The following TSEN15 variants were observed in gnomAD, a reference collection of about 807,000 sequenced individuals.
TSEN15 encodes the protein tRNA-splicing endonuclease subunit Sen15.
A neutral mutation model predicts 20.5 loss-of-function variants in TSEN15; 10 were observed. That is an observed-to-expected ratio of 0.49 (90% CI 0.30 to 0.83). The LOEUF (loss-of-function observed/expected upper bound fraction) is 0.83. TSEN15 is among the 40% of genes least tolerant of loss of function. The pLI, the probability that TSEN15 is intolerant of heterozygous loss-of-function variation, is 0.06. For missense variants in TSEN15, 180 were observed against 218.6 expected (o/e 0.82, Z 1.11); for synonymous variants, 72 against 80.1 (o/e 0.90, Z 0.54).
chr1:184,087,867 A>C (rs1325232184), intron 3 of TSEN15, among the ~76,000 whole-genome samples: 1 of 152,182 alleles, frequency 6.6e-6, no homozygotes, highest in Non-Finnish European at 1.5e-5. Context: ...CGGGGATAAC[A>C]AGGTAAGATT....
chr1:184,058,425 C>T (rs1347116750), intron 3 of TSEN15, among the ~76,000 whole-genome samples: 1 of 151,544 alleles, frequency 6.6e-6, no homozygotes. Flanking sequence ...TCAACTCAAA[C>T]TATGCAAATA....
At chr1:184,087,525 A>G (rs979879171) in intron 3 of TSEN15, among the ~76,000 whole-genome samples, 1 of 152,050 alleles carries the variant, frequency 6.6e-6, no homozygotes, top group African/African-American at 2.4e-5. Context: ...CCATGATCAG[A>G]CTCCTGGTTT....
At chr1:184,061,630 T>G (rs977144642) in intron 3 of TSEN15, among the ~76,000 whole-genome samples, 3 of 152,236 alleles carry the variant, frequency 2.0e-5, no homozygotes, top group African/African-American at 7.2e-5. Flanking sequence ...TTGACTGTTA[T>G]GTGGCAGAGT....
At chr1:184,056,627 T>C (rs2102879486) in intron 3 of TSEN15, among the ~76,000 whole-genome samples, 1 of 152,196 alleles carries the variant, frequency 6.6e-6, no homozygotes, top group East Asian at 1.9e-4. Flanking sequence ...AAAAAATACT[T>C]ATATTTTCAC....
At chr1:184,086,616 T>A (rs963079432) in intron 3 of TSEN15, among the ~76,000 whole-genome samples, 1 of 152,162 alleles carries the variant, frequency 6.6e-6, no homozygotes, top group Non-Finnish European at 1.5e-5. Context: ...CTCACTCACA[T>A]GGCTGTTGGC....
At chr1:184,094,928 A>T in intron 3 of TSEN15, 1 of 398,264 alleles carries the variant, frequency 2.5e-6, no homozygotes, top group South Asian at 1.3e-4. Context: ...CCTCTGACAG[A>T]CATGGCCTCT....
intron 1 of TSEN15, among the ~76,000 whole-genome samples, chr1:184,052,587 A>G (rs915457485): frequency 6.6e-6 from 1 of 152,130 alleles, no homozygotes; most frequent in Non-Finnish European, 1.5e-5. Flanking sequence ...TCTCTACGGT[A>G]CTTTAACAGA....
intron 3 of TSEN15, 145 bp downstream of exon 3, chr1:184,055,008 A>G: frequency 2.3e-6 from 2 of 887,094 alleles, no homozygotes; most frequent in Non-Finnish European, 1.7e-6. Context: ...GTTAAATATG[A>G]GTGTTGTATT....
At chr1:184,070,733 G>C in intron 3 of TSEN15, 1 of 1,110,220 alleles carries the variant, frequency 9.0e-7, no homozygotes, top group South Asian at 1.8e-5. Flanking sequence ...TCAGTGCTGA[G>C]TAATGAAGTT....
intron 3 of TSEN15, among the ~76,000 whole-genome samples, chr1:184,092,367 A>G (rs1001561321): frequency 6.6e-6 from 1 of 152,254 alleles, no homozygotes; most frequent in Non-Finnish European, 1.5e-5. Context: ...AGACTAGGAA[A>G]TAAGTAGGGA....
At chr1:184,081,887 C>T (rs1431361159) in intron 3 of TSEN15, among the ~76,000 whole-genome samples, 2 of 152,088 alleles carry the variant, frequency 1.3e-5, no homozygotes, top group African/African-American at 4.8e-5. Context: ...TTATTCTTCC[C>T]GTTCTTCTGA....
At chr1:184,092,968 T>C (rs1651386758) in intron 3 of TSEN15, among the ~76,000 whole-genome samples, 1 of 152,250 alleles carries the variant, frequency 6.6e-6, no homozygotes, top group South Asian at 2.1e-4. Context: ...CAGCTCCTTA[T>C]TGTTTCCTGG....
At chr1:184,072,770 C>A in intron 4 of TSEN15, 57 bp from the exon 5 acceptor site, 1 of 1,497,024 alleles carries the variant, frequency 6.7e-7, no homozygotes, top group Non-Finnish European at 9.2e-7. Flanking sequence ...TCTAATTTTG[C>A]TTTTGGATTA....
chr1:184,093,227 G>C (rs1259085424), intron 3 of TSEN15, among the ~76,000 whole-genome samples: 1 of 152,176 alleles, frequency 6.6e-6, no homozygotes, highest in Non-Finnish European at 1.5e-5. Flanking sequence ...ATCACTGCCA[G>C]GCCTTTTAAA....
chr1:184,086,629 G>C (rs1572722068), intron 3 of TSEN15, among the ~76,000 whole-genome samples: 1 of 152,160 alleles, frequency 6.6e-6, no homozygotes, highest in East Asian at 1.9e-4. Flanking sequence ...CTGTTGGCAG[G>C]AGAAGGCCTT....
At chr1:184,089,725 TA>T (rs113802996) in intron 3 of TSEN15, among the ~76,000 whole-genome samples, 7 of 148,508 alleles carry the variant, frequency 4.7e-5, no homozygotes, top group Admixed American at 1.3e-4. Context: ...AGTTAAACAT[TA>T]AAAAAAAAAT....
chr1:184,077,367 AAAG>A (rs1651083457), downstream of TSEN15, among the ~76,000 whole-genome samples: 1 of 152,168 alleles, frequency 6.6e-6, no homozygotes, highest in African/African-American at 2.4e-5. Context: ...GCTCAGAAAA[AAAG>A]ATTTCTTTCA....
downstream of TSEN15, among the ~76,000 whole-genome samples, chr1:184,077,059 G>C (rs139840988): frequency 6.6e-6 from 1 of 152,236 alleles, no homozygotes. Flanking sequence ...TTTAAATGTA[G>C]ACAGACGGCC....
chr1:184,090,410 G>A (rs1270029213), intron 3 of TSEN15, among the ~76,000 whole-genome samples: 2 of 152,134 alleles, frequency 1.3e-5, no homozygotes, highest in African/African-American at 4.8e-5. Context: ...TCCATGTCTG[G>A]TTATAGTTTT....
Sources: gnomAD v4.1 joint callset for allele counts (sites outside exome capture counted in the v4.1 genomes callset) on GRCh38, gnomAD v4.1.1 for gene constraint, MANE v1.5 for transcripts, NCBI Gene and HGNC (gene_info 2026-07-23, HGNC 2026-07-21) for gene names.